The following RIMS2 variants were observed in gnomAD, a reference collection of about 807,000 sequenced individuals.
The protein encoded by RIMS2 is regulating synaptic membrane exocytosis protein 2.
In RIMS2, 59 loss-of-function variants were observed where a neutral mutation model predicts 174.4. That is an observed-to-expected ratio of 0.34 (90% CI 0.27 to 0.42). RIMS2 has a LOEUF of 0.42. Among genes scored for constraint, RIMS2 ranks in the 10% least tolerant of loss-of-function variants. The probability of loss-of-function intolerance (pLI) is 1.00; values close to 1 mark genes in which losing one functional copy is unlikely to be tolerated. For synonymous variants in RIMS2, 606 were observed against 572.5 expected (o/e 1.06, Z -0.84); for missense variants, 1,620 against 1,666.3 (o/e 0.97, Z 0.48).
chr8:103,815,475 A>G (rs2098712976), intron 3 of RIMS2, among the ~76,000 whole-genome samples: 1 of 152,168 alleles, frequency 6.6e-6, no homozygotes, highest in Non-Finnish European at 1.5e-5. Context: ...TGTCATTTCC[A>G]GTGAGACTCT....
chr8:104,004,998 G>A (rs1160166009), intron 17 of RIMS2, among the ~76,000 whole-genome samples: 2 of 152,158 alleles, frequency 1.3e-5, no homozygotes, highest in Non-Finnish European at 2.9e-5. Flanking sequence ...TAGAGTCCAG[G>A]GTGGATAAGG....
intron 1 of RIMS2, among the ~76,000 whole-genome samples, chr8:103,554,285 T>A (rs183938942): frequency 6.6e-6 from 1 of 152,198 alleles, no homozygotes; most frequent in Admixed American, 6.6e-5. Flanking sequence ...ATTTGCATAC[T>A]ATGCATCCAG....
chr8:104,119,978 CAG>C (rs1242768335), intron 19 of RIMS2, among the ~76,000 whole-genome samples: 34 of 152,328 alleles, frequency 2.2e-4, no homozygotes, highest in African/African-American at 7.9e-4. Flanking sequence ...TGTGAAAACA[CAG>C]AGTTACTGTC....
chr8:104,083,294 G>A, intron 19 of RIMS2, among the ~76,000 whole-genome samples: 1 of 152,082 alleles, frequency 6.6e-6, no homozygotes, highest in Non-Finnish European at 1.5e-5. Flanking sequence ...ACTAATAATT[G>A]AAAGGGAACC....
chr8:103,975,425 G>C, exon 16 of RIMS2: 3 of 1,612,406 alleles, frequency 1.9e-6, no homozygotes, highest in Non-Finnish European at 2.5e-6. Flanking sequence ...TCAAACCACT[G>C]TTCACCATCA....
In RIMS2 at chr8:103,525,644, A is replaced by C. The variant is rs79124244; in HGVS notation, c.176+24582A>C. ...GATATTAGAGGAGAATAGATACTAGACAGGCAAAAATGACAAAATATCTAC... is the reference window on the plus strand; with the variant it reads ...GATATTAGAGGAGAATAGATACTAGCCAGGCAAAAATGACAAAATATCTAC... On this transcript the variant is annotated intron_variant, in intron 1 of 23. Transcript: ENST00000504942. Among the ~76,000 whole-genome samples the C allele has an allele frequency of 7.7e-3, 1,178 of 152,336 alleles. 19 individuals are homozygous for C. Among genetic ancestry groups the C allele is most frequent in the South Asian group, 0.049 (235 of 4,828 alleles).
intron 3 of RIMS2, among the ~76,000 whole-genome samples, chr8:103,812,914 T>A (rs887529133): frequency 6.6e-6 from 1 of 152,196 alleles, no homozygotes; most frequent in Admixed American, 6.5e-5. Flanking sequence ...TAGATTTTTA[T>A]CAGTCGGATG....
chr8:103,629,063 G>A (rs932528752), intron 1 of RIMS2, among the ~76,000 whole-genome samples: 2 of 152,150 alleles, frequency 1.3e-5, no homozygotes, highest in Non-Finnish European at 2.9e-5. Context: ...CCCAGATGCA[G>A]GCTCTCAGCA....
intron 1 of RIMS2, among the ~76,000 whole-genome samples, chr8:103,567,697 G>C (rs1166776848): frequency 6.6e-6 from 1 of 152,130 alleles, no homozygotes; most frequent in Non-Finnish European, 1.5e-5. Flanking sequence ...GAATTGCTGG[G>C]TCATATGGTA....
intron 3 of RIMS2, among the ~76,000 whole-genome samples, chr8:103,856,286 G>T (rs986038095): frequency 6.6e-6 from 1 of 152,020 alleles, no homozygotes; most frequent in African/African-American, 2.4e-5. Context: ...TTTACTTTGC[G>T]CCTGTGGGTG....
chr8:104,211,577 T>TG (rs373628576), intron 19 of RIMS2, among the ~76,000 whole-genome samples: 24,141 of 152,028 alleles, frequency 0.16, 2,472 homozygotes, highest in Non-Finnish European at 0.23. Context: ...ATTTTTTTTT[T>TG]TTTTTGAGAC....
rs77491201 is a variant in RIMS2 at position 104,214,751 on chromosome 8, T to C, written c.3335-30165T>C. 1.2e-4 allele frequency among the ~76,000 whole-genome samples: 18 copies of C among 152,310 alleles called. 1 individual carries two copies. The East Asian group carries it at 3.5e-3, about 29-fold the overall frequency. On this transcript the variant is annotated intron_variant, in intron 19 of 23. Coordinates refer to ENST00000504942, the Ensembl canonical transcript of RIMS2. ...CACCTCGCCAGGCCCGAGAGACATC[T>C]TTAACAGAGTATCTTAAGTGGGAAT...
intron 1 of RIMS2, among the ~76,000 whole-genome samples, chr8:103,521,987 A>T (rs1402550806): frequency 6.6e-6 from 1 of 151,914 alleles, no homozygotes; most frequent in Non-Finnish European, 1.5e-5. Context: ...CAGGCTAGTA[A>T]TGTTTTTTTT....
chr8:103,800,116 A>G (rs1367891357), intron 3 of RIMS2, among the ~76,000 whole-genome samples: 1 of 152,138 alleles, frequency 6.6e-6, no homozygotes, highest in Non-Finnish European at 1.5e-5. Flanking sequence ...TGGTTTTTGC[A>G]CTTATATATA....
chr8:103,817,022 AT>A lies in RIMS2; in HGVS notation c.698+50491del, dbSNP rs540391466. ...ATCTATTTAAAAGGGGAAAATTTACATTTTTTCCCCTCACAGATAGTATGAG... is the reference window on the plus strand; with the variant it reads ...ATCTATTTAAAAGGGGAAAATTTACATTTTTCCCCTCACAGATAGTATGAG... On this transcript the variant is annotated intron_variant, in intron 3 of 23. Transcript: ENST00000504942. Among the ~76,000 whole-genome samples, 468 of 152,238 alleles carry A rather than the reference AT, an allele frequency of 3.1e-3. 1 individual carries two copies. The highest frequency in any genetic ancestry group is 0.024 in the Middle Eastern group (7 of 292).
Position 103,758,978 on chromosome 8 carries a change from G to A in RIMS2, c.388-7249G>A, listed in dbSNP as rs560879216. 7.9e-5 allele frequency among the ~76,000 whole-genome samples: 12 copies of A among 152,280 alleles called. No homozygotes were observed. The South Asian group carries it at 2.1e-3, about 26-fold the overall frequency. On this transcript the variant is annotated intron_variant, in intron 2 of 23. Transcript: ENST00000504942. ...TTCAAGCTGAGGGTATTTGGGGAAA[G>A]TGTTAGGTATACAGAAAAGAACAGT...
At chr8:104,249,660 G>A in intron 22 of RIMS2, 72 bp downstream of exon 28, 2 of 845,706 alleles carry the variant, frequency 2.4e-6, no homozygotes, top group Non-Finnish European at 2.0e-6. Context: ...CTTTTGATTG[G>A]TTTAGACCTT....
chr8:104,222,189 T>A (rs1440198814), intron 19 of RIMS2, among the ~76,000 whole-genome samples: 1 of 152,206 alleles, frequency 6.6e-6, no homozygotes, highest in East Asian at 1.9e-4. Context: ...ATTTACTGAT[T>A]TGTCGTGTCT....
intron 19 of RIMS2, among the ~76,000 whole-genome samples, chr8:104,139,086 AT>A (rs1469701324): frequency 1.3e-5 from 2 of 151,790 alleles, no homozygotes; most frequent in Non-Finnish European, 2.9e-5. Context: ...AGGTGTCTGA[AT>A]TTGTTTCTGG....
Sources: allele counts gnomAD v4.1 joint callset (sites outside exome capture counted in the v4.1 genomes callset), GRCh38; gene constraint gnomAD v4.1.1; transcripts MANE v1.5; gene names NCBI Gene and HGNC (gene_info 2026-07-23, HGNC 2026-07-21).